STYK1: variants seen among roughly 807,000 people sequenced by gnomAD.
STYK1 encodes STY kinase 1.
STYK1 carries 46 observed loss-of-function variants against 48.1 expected under a neutral mutation model. That is an observed-to-expected ratio of 0.96 (90% CI 0.75 to 1.22). STYK1 has a LOEUF of 1.22. STYK1 is among the 50% of genes most tolerant of loss of function. The pLI is 0.00. For synonymous variants in STYK1, 188 were observed against 189.0 expected (o/e 0.99, Z 0.04); for missense variants, 527 against 521.1 (o/e 1.01, Z -0.11).
At chr12:10,630,226 T>C (rs574009030) in intron 5 of STYK1, among the ~76,000 whole-genome samples, 1 of 151,146 alleles carries the variant, frequency 6.6e-6, no homozygotes, top group Non-Finnish European at 1.5e-5. Flanking sequence ...TTTCTACTAA[T>C]AATACAAAAA....
At chr12:10,630,102 T>G (rs1947408277) in intron 5 of STYK1, among the ~76,000 whole-genome samples, 1 of 147,564 alleles carries the variant, frequency 6.8e-6, no homozygotes, top group African/African-American at 2.6e-5. Context: ...AAATATAATG[T>G]AAGCTGGGCA....
At chr12:10,665,514 C>T (rs1345977808) in intron 1 of STYK1, among the ~76,000 whole-genome samples, 1 of 152,286 alleles carries the variant, frequency 6.6e-6, no homozygotes, top group East Asian at 1.9e-4. Flanking sequence ...ACTACACTTT[C>T]CCACCCTTCA....
At chr12:10,653,096 G>A (rs1013897780) in intron 1 of STYK1, among the ~76,000 whole-genome samples, 10 of 151,376 alleles carry the variant, frequency 6.6e-5, no homozygotes, top group East Asian at 1.9e-4. Flanking sequence ...TTTGTGAGAC[G>A]GAGTCTCACT....
At chr12:10,632,185 C>T (rs942569771) in intron 4 of STYK1, among the ~76,000 whole-genome samples, 8 of 144,042 alleles carry the variant, frequency 5.6e-5, no homozygotes, top group Non-Finnish European at 1.1e-4. Context: ...AGCAACATAG[C>T]GAGACTCCAT....
At chr12:10,625,641 A>C (rs1030088550) in intron 7 of STYK1, among the ~76,000 whole-genome samples, 1 of 152,220 alleles carries the variant, frequency 6.6e-6, no homozygotes, top group Non-Finnish European at 1.5e-5. Context: ...GGTTGAATTC[A>C]GAAATTTTCT....
intron 1 of STYK1, among the ~76,000 whole-genome samples, chr12:10,668,178 C>T (rs1947852476): frequency 6.6e-6 from 1 of 152,052 alleles, no homozygotes; most frequent in Non-Finnish European, 1.5e-5. Flanking sequence ...CTCTACCCTC[C>T]ATTTTTCAAA....
intron 1 of STYK1, among the ~76,000 whole-genome samples, chr12:10,665,580 A>G (rs1176078941): frequency 6.6e-6 from 1 of 152,126 alleles, no homozygotes; most frequent in Non-Finnish European, 1.5e-5. Flanking sequence ...TAGGGATGAG[A>G]ACCAGGAAGA....
At chr12:10,646,378 A>C (rs1396586439) in intron 1 of STYK1, among the ~76,000 whole-genome samples, 3 of 152,240 alleles carry the variant, frequency 2.0e-5, no homozygotes, top group African/African-American at 7.2e-5. Context: ...ATGTTTTAGC[A>C]AACAGACTGG....
intron 1 of STYK1, among the ~76,000 whole-genome samples, chr12:10,646,999 G>C (rs1055339214): frequency 2.0e-4 from 30 of 152,252 alleles, no homozygotes; most frequent in African/African-American, 7.0e-4. Flanking sequence ...ATGCCCAGAT[G>C]CCTATGCAAA....
chr12:10,628,509 A>G (rs1947385345), intron 6 of STYK1, among the ~76,000 whole-genome samples: 1 of 152,242 alleles, frequency 6.6e-6, no homozygotes, highest in Non-Finnish European at 1.5e-5. Context: ...ACCTCTTTAA[A>G]AAGTTTAAAA....
chr12:10,631,872 T>C (rs1475220936), intron 4 of STYK1, among the ~76,000 whole-genome samples: 1 of 152,246 alleles, frequency 6.6e-6, no homozygotes, highest in Non-Finnish European at 1.5e-5. Flanking sequence ...AAAGAGAGGT[T>C]CATCCTTCTT....
intron 1 of STYK1, among the ~76,000 whole-genome samples, chr12:10,649,842 G>A (rs997875725): frequency 6.6e-6 from 1 of 152,170 alleles, no homozygotes; most frequent in Non-Finnish European, 1.5e-5. Flanking sequence ...GCCGGGAGCA[G>A]TGGTTCACGC....
At chr12:10,645,134 G>T (rs907588862) in intron 1 of STYK1, among the ~76,000 whole-genome samples, 4 of 152,138 alleles carry the variant, frequency 2.6e-5, no homozygotes, top group African/African-American at 9.7e-5. Context: ...AAGGAGAGGG[G>T]CATGGACAAC....
intron 3 of STYK1, 73 bp downstream of exon 3, chr12:10,634,494 C>T: frequency 6.7e-7 from 1 of 1,487,028 alleles, no homozygotes. Context: ...CATCCTCCTT[C>T]TAGAATCTAC....
At chr12:10,669,254 C>A (rs980478322) in intron 1 of STYK1, among the ~76,000 whole-genome samples, 1 of 151,996 alleles carries the variant, frequency 6.6e-6, no homozygotes, top group African/African-American at 2.4e-5. Context: ...ACTAAAAGTA[C>A]AAGGGGGAAT....
At chr12:10,646,274 G>T (rs1315280917) in intron 1 of STYK1, among the ~76,000 whole-genome samples, 1 of 152,184 alleles carries the variant, frequency 6.6e-6, no homozygotes, top group Non-Finnish European at 1.5e-5. Flanking sequence ...TGACCAAAAG[G>T]CCGATAATGA....
intron 1 of STYK1, among the ~76,000 whole-genome samples, chr12:10,655,147 CT>C (rs1947704308): frequency 6.6e-6 from 1 of 152,086 alleles, no homozygotes; most frequent in African/African-American, 2.4e-5. Flanking sequence ...GTATTTTGTG[CT>C]TTGAATTTGT....
chr12:10,653,886 T>C (rs773454252), intron 1 of STYK1, among the ~76,000 whole-genome samples: 1 of 152,150 alleles, frequency 6.6e-6, no homozygotes, highest in African/African-American at 2.4e-5. Flanking sequence ...AGGGGCTTGG[T>C]AAAACAAGGT....
intron 1 of STYK1, among the ~76,000 whole-genome samples, chr12:10,673,105 TGAAA>T (rs1195877757): frequency 1.4e-5 from 2 of 148,102 alleles, no homozygotes; most frequent in African/African-American, 2.5e-5. Context: ...ATCGCATAAA[TGAAA>T]GAAAGAAAGG....
Sources: allele counts gnomAD v4.1 joint callset (sites outside exome capture counted in the v4.1 genomes callset), GRCh38; gene constraint gnomAD v4.1.1; transcripts MANE v1.5; gene names NCBI Gene and HGNC (gene_info 2026-07-23, HGNC 2026-07-21).